The following PCDH7 variants were observed in gnomAD, a reference collection of about 807,000 sequenced individuals.
PCDH7 encodes protocadherin-7.
PCDH7 carries 17 observed loss-of-function variants against 58.9 expected under a neutral mutation model. The ratio of observed to expected loss-of-function variants is 0.29; its 90% CI spans 0.20 to 0.43. The LOEUF is 0.43. Among genes scored for constraint, PCDH7 ranks in the 20% least tolerant of loss-of-function variants. The pLI, the probability that PCDH7 is intolerant of heterozygous loss-of-function variation, is 1.00. For synonymous variants in PCDH7, 664 were observed against 616.4 expected, an observed-to-expected ratio of 1.08 and a Z score of -1.14; for missense variants, 1,274 against 1,441.0, an observed-to-expected ratio of 0.88 and a Z score of 1.88.
At chr4:30,886,002 C>T (rs1737689606) in intron 1 of PCDH7, among the ~76,000 whole-genome samples, 4 of 151,320 alleles carry the variant, frequency 2.6e-5, no homozygotes, top group Admixed American at 6.6e-5. Context: ...AACGTTAGAC[C>T]TAAAACCATA....
At chr4:30,896,721 G>C (rs1170599457) in intron 1 of PCDH7, among the ~76,000 whole-genome samples, 1 of 151,460 alleles carries the variant, frequency 6.6e-6, no homozygotes, top group African/African-American at 2.4e-5. Context: ...ACTATATCTT[G>C]TACTAATAAT....
intron 3 of PCDH7, among the ~76,000 whole-genome samples, 179 bp from the exon 3 acceptor site, chr4:31,142,294 T>C (rs962336339): frequency 6.6e-6 from 1 of 152,308 alleles, no homozygotes; most frequent in East Asian, 1.9e-4. Flanking sequence ...TTGCAAAACC[T>C]TATCTTTGAT....
intron 3 of PCDH7, among the ~76,000 whole-genome samples, chr4:31,002,602 G>A (rs530427495): frequency 1.2e-3 from 176 of 152,256 alleles, no homozygotes; most frequent in African/African-American, 3.9e-3. Flanking sequence ...TGCATTACTC[G>A]AGCAAATAAC....
intron 1 of PCDH7, among the ~76,000 whole-genome samples, chr4:30,877,095 T>C (rs1344456207): frequency 2.0e-5 from 3 of 152,264 alleles, no homozygotes; most frequent in Non-Finnish European, 2.9e-5. Flanking sequence ...ATTATGAAAG[T>C]ATTTTGTTAA....
At chr4:31,058,281 A>G (rs1453971504) in intron 3 of PCDH7, among the ~76,000 whole-genome samples, 1 of 152,076 alleles carries the variant, frequency 6.6e-6, no homozygotes, top group Non-Finnish European at 1.5e-5. Context: ...AAGAGTTTTT[A>G]CTGTATTCTT....
At chr4:30,971,903 A>G (rs138019132) in intron 3 of PCDH7, among the ~76,000 whole-genome samples, 394 of 152,326 alleles carry the variant, frequency 2.6e-3, no homozygotes, top group East Asian at 9.1e-3. Flanking sequence ...TCGAGGCTGC[A>G]TGAGCGGTGA....
At chr4:31,097,611 T>TAGATATATAG in intron 3 of PCDH7, among the ~76,000 whole-genome samples, 1 of 33,518 alleles carries the variant, frequency 3.0e-5, no homozygotes, top group East Asian at 4.1e-3. Context: ...TATATATATA[T>TAGATATATAG]ATATATATAT....
intron 1 of PCDH7, among the ~76,000 whole-genome samples, chr4:30,801,465 A>C (rs2109306463): frequency 6.6e-6 from 1 of 152,266 alleles, no homozygotes; most frequent in South Asian, 2.1e-4. Context: ...AAATTGTGAT[A>C]GAAAGGAAAG....
chr4:30,902,608 A>G (rs1740373262), intron 1 of PCDH7, among the ~76,000 whole-genome samples: 1 of 152,142 alleles, frequency 6.6e-6, no homozygotes. Flanking sequence ...TTATCATTTT[A>G]GTGCTTCTGA....
intron 1 of PCDH7, among the ~76,000 whole-genome samples, chr4:30,781,967 A>G (rs1490740311): frequency 6.6e-6 from 1 of 152,210 alleles, no homozygotes; most frequent in Non-Finnish European, 1.5e-5. Flanking sequence ...AAATGGGTAT[A>G]GACTTCCCTT....
chr4:30,975,142 ATTGTGTGT>A (rs1376116907), intron 3 of PCDH7, among the ~76,000 whole-genome samples: 2 of 74,606 alleles, frequency 2.7e-5, no homozygotes, highest in South Asian at 1.0e-3. Flanking sequence ...CTTCCCTTTC[ATTGTGTGT>A]GTGTGTGTGT....
chr4:31,059,355 G>A lies in PCDH7; in HGVS notation c.*8-83118G>A, dbSNP rs529110151. Among the ~76,000 whole-genome samples the A allele has an allele frequency of 5.9e-5, 9 of 151,858 alleles. No individual in the cohort carries two copies. The South Asian group carries it at 1.7e-3, about 28-fold the overall frequency. On this transcript the variant is annotated intron_variant, in intron 3 of 3. Coordinates refer to the PCDH7 transcript ENST00000509759. ...TCTTTTGTTCCTAATAACACTTCTG[G>A]CAACAATGTATGATTACTATTTTTT... is the stretch of plus-strand genomic sequence containing the variant.
intron 2 of PCDH7, among the ~76,000 whole-genome samples, chr4:30,946,690 T>TTTTGTGTGTGTGTGTG: frequency 7.3e-6 from 1 of 137,554 alleles, no homozygotes; most frequent in Non-Finnish European, 1.6e-5. Context: ...CTTATCTCTT[T>TTTTGTGTGTGTGTGTG]TGTGTGTGTG....
At chr4:30,987,761 A>G (rs937989748) in intron 3 of PCDH7, 1 of 151,936 alleles carries the variant, frequency 6.6e-6, no homozygotes, top group Non-Finnish European at 1.5e-5. Flanking sequence ...TAATAGTACC[A>G]TAAGAATATT....
At chr4:30,754,184 G>GT (rs1176459021) in intron 1 of PCDH7, among the ~76,000 whole-genome samples, 2 of 140,376 alleles carry the variant, frequency 1.4e-5, no homozygotes, top group African/African-American at 6.2e-5. Flanking sequence ...GTGTGTGTGT[G>GT]TGTGTTTTTT....
intron 3 of PCDH7, among the ~76,000 whole-genome samples, chr4:31,046,306 C>T (rs1578648534): frequency 1.3e-5 from 2 of 151,924 alleles, no homozygotes; most frequent in African/African-American, 4.8e-5. Context: ...CCATGCTTGG[C>T]TCTGGAGTCA....
intron 1 of PCDH7, among the ~76,000 whole-genome samples, chr4:30,810,902 G>A (rs561964857): frequency 5.3e-5 from 8 of 152,218 alleles, no homozygotes; most frequent in East Asian, 1.9e-4. Flanking sequence ...GAGCCACCAC[G>A]TATGGCCAAC....
chr4:31,059,127 G>C (rs962111530), intron 3 of PCDH7, among the ~76,000 whole-genome samples: 1 of 151,792 alleles, frequency 6.6e-6, no homozygotes, highest in Non-Finnish European at 1.5e-5. Context: ...ATACCATTAT[G>C]TCTTAAGATC....
At chr4:30,781,049 T>C (rs1722711284) in intron 1 of PCDH7, among the ~76,000 whole-genome samples, 1 of 152,132 alleles carries the variant, frequency 6.6e-6, no homozygotes, top group Admixed American at 6.5e-5. Flanking sequence ...AAAAGTTTCC[T>C]CAGAACCAGG....
Sources: allele counts gnomAD v4.1 joint callset (sites outside exome capture counted in the v4.1 genomes callset), GRCh38; gene constraint gnomAD v4.1.1; transcripts MANE v1.5; gene names NCBI Gene and HGNC (gene_info 2026-07-23, HGNC 2026-07-21).